The following ZBTB25 variants were observed in gnomAD, a reference collection of about 807,000 sequenced individuals.
The protein encoded by ZBTB25 is zinc finger and BTB domain containing 25.
A neutral mutation model predicts 34.2 loss-of-function variants in ZBTB25; 20 were observed. That is an observed-to-expected ratio of 0.58 (90% CI 0.41 to 0.85). The LOEUF (loss-of-function observed/expected upper bound fraction) is 0.85. Ranked by LOEUF, ZBTB25 falls within the 40% of genes least tolerant of loss-of-function variation. ZBTB25 has a pLI of 0.00. For missense variants in ZBTB25, 437 were observed against 521.8 expected, an observed-to-expected ratio of 0.84 and a Z score of 1.58; for synonymous variants, 175 against 186.4, an observed-to-expected ratio of 0.94 and a Z score of 0.50.
intron 1 of ZBTB25, among the ~76,000 whole-genome samples, chr14:64,494,189 A>T (rs1011211355): frequency 7.2e-5 from 11 of 152,242 alleles, no homozygotes; most frequent in African/African-American, 2.4e-4. Context: ...CAGAAAGGAG[A>T]TGGCAATGGT....
rs763569874 is a variant in ZBTB25 at position 64,469,403 on chromosome 14, C to T, written c.174-19765G>A. On this transcript the variant is annotated intron_variant, in intron 2 of 2. Transcript: ENST00000555220. ...ATCAGAAGAAAGCAAAAGAATGGAGCCAATTGCTATTATTATTACAGACAC... is the reference window on the plus strand; with the variant it reads ...ATCAGAAGAAAGCAAAAGAATGGAGTCAATTGCTATTATTATTACAGACAC... 3.1e-6 allele frequency: 5 copies of T among 1,613,820 alleles called. No individual in the cohort carries two copies. The East Asian group carries it at 8.9e-5, about 29-fold the overall frequency.
chr14:64,499,812 T>C (rs1232615910), intron 1 of ZBTB25, among the ~76,000 whole-genome samples: 1 of 152,228 alleles, frequency 6.6e-6, no homozygotes, highest in African/African-American at 2.4e-5. Context: ...TCCAGACATC[T>C]GCTTATTAAG....
rs2078834713 is a variant in ZBTB25 at position 64,484,242 on chromosome 14, G to A, written c.*2681C>T. 1 of 152,198 alleles carries A rather than the reference G, an allele frequency of 6.6e-6. No individual in the cohort carries two copies. The highest frequency in any genetic ancestry group is 2.4e-5 in the African/African-American group (1 of 41,428). 9.4% of individuals were successfully genotyped at this position (152,198 alleles called of 1,614,324 possible). ...ACAGATATATTTCTGCTTTAAATGA[G>A]TGTTGTCTATCACGGCCAATCAGCT... On this transcript the variant is annotated 3_prime_UTR_variant, in exon 3 of 3. Coordinates refer to ENST00000608382, the MANE Select transcript of ZBTB25 (RefSeq NM_006977.5).
At chr14:64,494,994 C>T (rs1753696374) in intron 1 of ZBTB25, among the ~76,000 whole-genome samples, 1 of 152,150 alleles carries the variant, frequency 6.6e-6, no homozygotes, top group Non-Finnish European at 1.5e-5. Flanking sequence ...TTCTAATTCT[C>T]TGCTGAGATT....
intron 2 of ZBTB25, among the ~76,000 whole-genome samples, chr14:64,489,717 G>A (rs568718211): frequency 1.1e-3 from 163 of 151,300 alleles, no homozygotes; most frequent in African/African-American, 3.8e-3. Context: ...TGTATTTTTA[G>A]TAGAGACGGG....
intron 1 of ZBTB25, among the ~76,000 whole-genome samples, chr14:64,500,705 G>A (rs2079462083): frequency 6.6e-6 from 1 of 152,030 alleles, no homozygotes; most frequent in Non-Finnish European, 1.5e-5. Flanking sequence ...TGAGGCAGAA[G>A]AATTGCCAAT....
chr14:64,495,408 T>C (rs117860652), intron 1 of ZBTB25, among the ~76,000 whole-genome samples: 62 of 152,340 alleles, frequency 4.1e-4, no homozygotes, highest in Non-Finnish European at 7.3e-4. Flanking sequence ...TTTGGGGTTC[T>C]GCCACTCCAA....
chr14:64,487,833 A>C lies in ZBTB25; in HGVS notation c.398T>G (p.Ile133Ser). ...VQSSNLYGIQ[I>S]STTQKTVVKQ... The stretch of plus-strand genomic sequence containing the variant: ...GACAACTGTTTTTTGGGTTGTTGAG[A>C]TCTGAATGCCATATAAATTTGAGGA... Residue 133 changes from isoleucine (I) to serine (S), a missense_variant, in exon 3 of 3, where the codon ATC (isoleucine) becomes AGC (serine). Ile to Ser is a moderately radical substitution (Grantham distance 142). Transcript: ENST00000608382. 2 of 1,614,128 alleles carry C rather than the reference A, an allele frequency of 1.2e-6. No homozygotes were observed. The highest frequency in any genetic ancestry group is 1.7e-6 in the Non-Finnish European group (2 of 1,180,020).
chr14:64,453,673 A>G lies in ZBTB25; in HGVS notation c.174-4035T>C, dbSNP rs2078416191. On this transcript the variant is annotated intron_variant, in intron 2 of 2. Coordinates refer to the ZBTB25 transcript ENST00000555220. ...TCTTCTGCCCCTTTTAGGGACTCTG[A>G]CCTAGAATGTGGCTATGTCCTGGTT... The G allele has an allele frequency of 2.5e-5, 20 of 814,810 alleles. No individual in the cohort carries two copies. In the South Asian group the frequency reaches 2.8e-4, roughly 12 times the overall value. The allele number at this position is 814,810 out of a possible 1,614,324, so 50.5% of individuals were successfully genotyped here. A position where few individuals can be genotyped will look rare whatever the true frequency, so the allele number is the denominator to read the frequency against.
downstream of ZBTB25, among the ~76,000 whole-genome samples, chr14:64,477,494 G>GA (rs2078730624): frequency 6.6e-6 from 1 of 152,152 alleles, no homozygotes; most frequent in Non-Finnish European, 1.5e-5. Context: ...GCACACATGT[G>GA]AAAAAAGAGC....
intron 2 of ZBTB25, chr14:64,460,164 C>T: frequency 2.1e-6 from 1 of 470,846 alleles, no homozygotes; most frequent in Admixed American, 3.4e-5. Context: ...TGTATGCATG[C>T]TTGTGTATTT....
Position 64,486,776 on chromosome 14 carries a change from G to A in ZBTB25, c.*147C>T, listed in dbSNP as rs144582881. The A allele has an allele frequency of 1.6e-3, 2,179 of 1,389,500 alleles. 4 individuals are homozygous for A. The highest frequency in any genetic ancestry group is 1.8e-3 in the Non-Finnish European group (1,898 of 1,074,146). The allele number at this position is 1,389,500 out of a possible 1,614,324, so 86.1% of individuals were successfully genotyped here. ...CACATATTAATATGTCTTATGAGAA[G>A]ATCTAATATATACAACCTTAAAACC... On this transcript the variant is annotated 3_prime_UTR_variant, in exon 3 of 3. Transcript: ENST00000608382.
intron 2 of ZBTB25, among the ~76,000 whole-genome samples, chr14:64,457,293 G>A (rs779611194): frequency 2.0e-5 from 3 of 152,144 alleles, no homozygotes; most frequent in Non-Finnish European, 2.9e-5. Flanking sequence ...CTTGCAAAGC[G>A]TGAGCTGAGG....
intron 2 of ZBTB25, chr14:64,470,674 G>A (rs2078661300): frequency 1.2e-5 from 2 of 166,684 alleles, no homozygotes; most frequent in South Asian, 2.1e-4. Context: ...GTAGAAACAG[G>A]GAGAGTGGGT....
chr14:64,490,581 T>C (rs777951002), intron 1 of ZBTB25, 41 bp from the exon 2 acceptor site: 2 of 1,457,790 alleles, frequency 1.4e-6, no homozygotes, highest in East Asian at 4.8e-5. Flanking sequence ...GGTGTGTATG[T>C]ATATACGCAT....
exon 3 of ZBTB25, chr14:64,449,348 T>C: frequency 7.2e-7 from 1 of 1,393,856 alleles, no homozygotes; most frequent in African/African-American, 1.4e-5. Flanking sequence ...TGTTCGTTTA[T>C]CAGTGGGTAA....
Position 64,482,016 on chromosome 14 carries a change from G to A in ZBTB25, c.*4907C>T, listed in dbSNP as rs984211964. On this transcript the variant is annotated 3_prime_UTR_variant, in exon 3 of 3. Transcript: ENST00000608382. The stretch of plus-strand genomic sequence containing the variant: ...TGTGCCTGTACAAATAAATGTTAAC[G>A]AAATTACACATTTTTCACACTATCT... The A allele has an allele frequency of 6.6e-6, 1 of 152,072 alleles. No individual in the cohort carries two copies. The highest frequency in any genetic ancestry group is 2.4e-5 in the African/African-American group (1 of 41,392). 9.4% of individuals were successfully genotyped at this position (152,072 alleles called of 1,614,324 possible). A position where few individuals can be genotyped will look rare whatever the true frequency, so the allele number is the denominator to read the frequency against.
rs1596599506 is a variant in ZBTB25, at chr14:64,478,196, G to A, written c.*8727C>T. Reference sequence around the variant, plus strand: ...CTTATCAGCTGTAAAATAAACTTAGGAGAAGCAACTGGTGATTAGGTACAA... The same window carrying A: ...CTTATCAGCTGTAAAATAAACTTAGAAGAAGCAACTGGTGATTAGGTACAA... On this transcript the variant is annotated 3_prime_UTR_variant, in exon 3 of 3. Transcript: ENST00000608382. 1.3e-5 allele frequency: 2 copies of A among 152,198 alleles called. No homozygotes were observed. Among genetic ancestry groups the A allele is most frequent in the Admixed American group, 6.5e-5 (1 of 15,268 alleles). The allele number at this position is 152,198 out of a possible 1,614,324, so 9.4% of individuals were successfully genotyped here.
At chr14:64,456,065 A>T (rs2078467784) in intron 2 of ZBTB25, among the ~76,000 whole-genome samples, 1 of 152,250 alleles carries the variant, frequency 6.6e-6, no homozygotes. Flanking sequence ...AGCAGCTACC[A>T]GCTGAAAGAC....
Sources: allele counts gnomAD v4.1 joint callset (sites outside exome capture counted in the v4.1 genomes callset), GRCh38; gene constraint gnomAD v4.1.1; transcripts MANE v1.5; gene names NCBI Gene and HGNC (gene_info 2026-07-23, HGNC 2026-07-21).